TTC21A: variants seen among roughly 807,000 people sequenced by gnomAD.
TTC21A encodes the protein tetratricopeptide repeat protein 21A.
A neutral mutation model predicts 156.4 loss-of-function variants in TTC21A; 128 were observed. That is an observed-to-expected ratio of 0.82 (90% confidence interval 0.71 to 0.95). The LOEUF (loss-of-function observed/expected upper bound fraction) is 0.95. Ranked by LOEUF, TTC21A falls within the 40% of genes least tolerant of loss-of-function variation. The probability of loss-of-function intolerance (pLI) is 0.00; values close to 1 mark genes in which losing one functional copy is unlikely to be tolerated. For missense variants in TTC21A, 1,435 were observed against 1,602.3 expected, an observed-to-expected ratio of 0.90 and a Z score of 1.78; for synonymous variants, 587 against 617.1, an observed-to-expected ratio of 0.95 and a Z score of 0.72.
At chr3:39,125,967 TA>T (rs1283459249) in intron 11 of TTC21A, among the ~76,000 whole-genome samples, 1 of 152,158 alleles carries the variant, frequency 6.6e-6, no homozygotes, top group African/African-American at 2.4e-5. Flanking sequence ...CCAAGGATCA[TA>T]TTTTTATACA....
chr3:39,116,280 T>G (rs1263600839), intron 6 of TTC21A, among the ~76,000 whole-genome samples: 1 of 152,250 alleles, frequency 6.6e-6, no homozygotes, highest in African/African-American at 2.4e-5. Context: ...AAAGATGTGT[T>G]TCTGTTTTCA....
rs184064919 is a variant in TTC21A at position 39,118,018 on chromosome 3, A to G, written c.717-51A>G. 1.4e-5 allele frequency: 19 copies of G among 1,355,614 alleles called. No individual in the cohort carries two copies. The Admixed American group carries it at 3.2e-4, about 23-fold the overall frequency. 84.0% of individuals were successfully genotyped at this position (1,355,614 alleles called of 1,614,324 possible). A position where few individuals can be genotyped will look rare whatever the true frequency, so the allele number is the denominator to read the frequency against. On this transcript the variant is annotated intron_variant, in intron 6 of 28. Coordinates refer to ENST00000683103, the MANE Select transcript of TTC21A (RefSeq NM_001366900.1). ...TCAGAAGTCGCCAACACACCATCCCAGCTTTGCCTATCAATACTCTCAATT... is the reference window on the plus strand; with the variant it reads ...TCAGAAGTCGCCAACACACCATCCCGGCTTTGCCTATCAATACTCTCAATT...
chr3:39,115,742 GTCA>G (rs139526896), intron 6 of TTC21A, among the ~76,000 whole-genome samples: 2,098 of 152,220 alleles, frequency 0.014, 51 homozygotes, highest in African/African-American at 0.048. Flanking sequence ...TCTAAAATGT[GTCA>G]TCTTCACTTT....
In TTC21A at chr3:39,131,303, C is replaced by G. The variant is rs1513255; in HGVS notation, c.2562+208C>G. On this transcript the variant is annotated intron_variant, in intron 19 of 28. Coordinates refer to ENST00000683103, the MANE Select transcript of TTC21A (RefSeq NM_001366900.1). ...CTAATGTGCTCTGAGCTGTGGTGGG[C>G]TGGGAAAGGCAGGAAGTAAGAGAGT... is the stretch of plus-strand genomic sequence containing the variant. Among the ~76,000 whole-genome samples the G allele has an allele frequency of 0.035, 5,278 of 152,256 alleles. 183 individuals are homozygous for G. Among genetic ancestry groups the G allele is most frequent in the East Asian group, 0.16 (807 of 5,176 alleles).
chr3:39,120,059 C>T, intron 8 of TTC21A, 39 bp downstream of exon 8: 1 of 1,420,028 alleles, frequency 7.0e-7, no homozygotes, highest in Non-Finnish European at 9.9e-7. Context: ...TGGTGCTTCT[C>T]CCTGCTTTCC....
At chr3:39,125,592 C>T (rs938040420) in intron 11 of TTC21A, 60 bp downstream of exon 11, 17 of 1,260,682 alleles carry the variant, frequency 1.3e-5, no homozygotes, top group Non-Finnish European at 1.9e-5. Flanking sequence ...ATGGTGCCCA[C>T]CTGAAGGACA....
chr3:39,123,244 A>G (rs2037922914), intron 9 of TTC21A, among the ~76,000 whole-genome samples: 1 of 152,242 alleles, frequency 6.6e-6, no homozygotes, highest in Non-Finnish European at 1.5e-5. Context: ...AGTGGGATGG[A>G]TATAACTGAA....
rs761692117 is a variant in TTC21A at position 39,134,341 on chromosome 3, C to T, written c.2862+13C>T. 13 of 1,568,972 alleles carry T rather than the reference C, an allele frequency of 8.3e-6. No homozygotes were observed. In the East Asian group the frequency reaches 2.9e-4, roughly 35 times the overall value. On this transcript the variant is annotated intron_variant, in intron 21 of 28. Coordinates refer to ENST00000683103, the MANE Select transcript of TTC21A (RefSeq NM_001366900.1). This position sits in a 1 kb window ranked among gnomAD's most constrained non-coding sequence, Gnocchi z 4.6. Reference sequence around the variant, plus strand: ...GACCGCTTCTGTGGTAGGAAGCCCCCAGCACCCACTCCCTCCCCTCCCTTC... The same window carrying T: ...GACCGCTTCTGTGGTAGGAAGCCCCTAGCACCCACTCCCTCCCCTCCCTTC...
rs577031087 is a variant in TTC21A at position 39,126,230 on chromosome 3, T to G, written c.1393-31T>G. 258 of 1,613,552 alleles carry G rather than the reference T, an allele frequency of 1.6e-4. 4 individuals are homozygous for G. The South Asian group carries it at 2.5e-3, about 15-fold the overall frequency. Reference sequence around the variant, plus strand: ...AGTCTCTCTTAGAATAGGGCAAACCTACTCCCACCTCCACCGCCGTGTTCC... The same window carrying G: ...AGTCTCTCTTAGAATAGGGCAAACCGACTCCCACCTCCACCGCCGTGTTCC... On this transcript the variant is annotated intron_variant, in intron 11 of 28. Coordinates refer to ENST00000683103, the MANE Select transcript of TTC21A (RefSeq NM_001366900.1).
chr3:39,115,109 G>A (rs1195923818), intron 6 of TTC21A, among the ~76,000 whole-genome samples: 1 of 152,104 alleles, frequency 6.6e-6, no homozygotes, highest in African/African-American at 2.4e-5. Context: ...GCATTATTAA[G>A]GTTTTTTTAA....
At chr3:39,131,543 G>A (rs2038729274) in intron 19 of TTC21A, 1 of 157,608 alleles carries the variant, frequency 6.3e-6, no homozygotes, top group African/African-American at 2.4e-5. Flanking sequence ...AGTTGTGTTA[G>A]TCTGTATTCT....
intron 6 of TTC21A, among the ~76,000 whole-genome samples, chr3:39,116,403 T>G (rs966153474): frequency 6.6e-6 from 1 of 152,178 alleles, no homozygotes; most frequent in African/African-American, 2.4e-5. Context: ...TTCTATTATA[T>G]TCTAATAAAA....
Position 39,134,997 on chromosome 3 carries a change from T to G in TTC21A, c.2863-96T>G, listed in dbSNP as rs2039001416. Reference sequence around the variant, plus strand: ...CTTGCAAGTCCTTTTCTACCTTCCCTTCTTACCACCATCACCCCCATACCC... The same window carrying G: ...CTTGCAAGTCCTTTTCTACCTTCCCGTCTTACCACCATCACCCCCATACCC... On this transcript the variant is annotated intron_variant, in intron 21 of 28. Transcript: ENST00000683103. The surrounding 1 kb of genome is among the most constrained non-coding windows in gnomAD (Gnocchi z 4.6). 9.2e-7 allele frequency: 1 copy of G among 1,087,354 alleles called. No homozygotes were observed. The highest frequency in any genetic ancestry group is 1.4e-6 in the Non-Finnish European group (1 of 704,142). 67.4% of individuals were successfully genotyped at this position (1,087,354 alleles called of 1,614,324 possible). A position where few individuals can be genotyped will look rare whatever the true frequency, so the allele number is the denominator to read the frequency against.
At position 39,134,623 on chromosome 3, in the gene TTC21A, G is replaced by T; in HGVS notation, c.2862+295G>T. ...GTAGGTGAAGGCAAGGGCGGGACAGGTTCCTGGGGCTTCAGGAAAAGCCCT... is the reference window on the plus strand; with the variant it reads ...GTAGGTGAAGGCAAGGGCGGGACAGTTTCCTGGGGCTTCAGGAAAAGCCCT... On this transcript the variant is annotated intron_variant, in intron 21 of 28. Transcript: ENST00000683103. This position sits in a 1 kb window ranked among gnomAD's most constrained non-coding sequence, Gnocchi z 4.6. 1.9e-6 allele frequency: 1 copy of T among 517,296 alleles called. No individual in the cohort carries two copies. Among genetic ancestry groups the T allele is most frequent in the Non-Finnish European group, 3.5e-6 (1 of 283,164 alleles). The allele number at this position is 517,296 out of a possible 1,614,324, so 32.0% of individuals were successfully genotyped here. A position where few individuals can be genotyped will look rare whatever the true frequency, so the allele number is the denominator to read the frequency against.
At position 39,129,170 on chromosome 3, in the gene TTC21A, C is replaced by A; in HGVS notation, c.1995C>A (p.Ser665Arg). The part of the protein sequence containing the change: ...ITIANVDLVL[S>R]KGNVDVALNM... ...TTGCCAACGTGGACTTGGTCCTGAG[C>A]AAGGGCAATGTGGACGTGGCGCTGA... The change falls in exon 15 of 29, where the codon AGC becomes AGA. Residue 665 changes from serine to arginine, a missense_variant. Physicochemically the swap from Ser to Arg is moderately radical, Grantham distance 110 (BLOSUM62 -1). Coordinates refer to ENST00000683103, the MANE Select transcript of TTC21A (RefSeq NM_001366900.1). 1 of 1,614,242 alleles carries A rather than the reference C, an allele frequency of 6.2e-7. No individual in the cohort carries two copies. The highest frequency in any genetic ancestry group is 8.5e-7 in the Non-Finnish European group (1 of 1,180,040).
At position 39,130,638 on chromosome 3, in the gene TTC21A, C is replaced by T. The variant is rs2038653414; in HGVS notation, c.2320-63C>T. 1 of 1,591,738 alleles carries T rather than the reference C, an allele frequency of 6.3e-7. No homozygotes were observed. Among genetic ancestry groups the T allele is most frequent in the Non-Finnish European group, 8.6e-7 (1 of 1,165,212 alleles). On this transcript the variant is annotated intron_variant, in intron 17 of 28. Transcript: ENST00000683103. This position sits in a 1 kb window ranked among gnomAD's most constrained non-coding sequence, Gnocchi z 4.5. ...CTGGTGTGATGGCTGCTGAGGGGAACATGGTGTCGGGCACTGAAGGGCAGA... is the reference window on the plus strand; with the variant it reads ...CTGGTGTGATGGCTGCTGAGGGGAATATGGTGTCGGGCACTGAAGGGCAGA...
At chr3:39,131,117 G>A (rs761125718) in intron 19 of TTC21A, 22 bp downstream of exon 19, 2 of 1,583,668 alleles carry the variant, frequency 1.3e-6, no homozygotes, top group African/African-American at 1.3e-5. Context: ...GTGGACTCAA[G>A]CTCTTTATCT....
Position 39,131,011 on chromosome 3 carries a change from G to C in TTC21A, c.2478G>C (p.Met826Ile). ...EHDIVQDIPS[M>I]MNDVKCLLLL... ...TAACAGTCCAAGACATCCCATCCAT[G>C]ATGAATGATGTTAAGTGCCTGCTTT... The change falls in exon 19 of 29, where the codon ATG becomes ATC. Residue 826 changes from methionine (M) to isoleucine (I), a missense_variant. Transcript: ENST00000683103. 2 of 1,613,882 alleles carry C rather than the reference G, an allele frequency of 1.2e-6. No homozygotes were observed. Among genetic ancestry groups the C allele is most frequent in the Non-Finnish European group, 1.7e-6 (2 of 1,179,990 alleles).
chr3:39,134,401 C>A lies in TTC21A; in HGVS notation c.2862+73C>A. ...CAGGGTCCCTGTGACCAGATGCAGG[C>A]TACTTCCTAGCCCCGTAACCTCAGA... is the stretch of plus-strand genomic sequence containing the variant. On this transcript the variant is annotated intron_variant, in intron 21 of 28. Transcript: ENST00000683103. The surrounding 1 kb of genome is among the most constrained non-coding windows in gnomAD (Gnocchi z 4.6). 1.9e-6 allele frequency: 2 copies of A among 1,075,792 alleles called. No individual in the cohort carries two copies. The highest frequency in any genetic ancestry group is 2.9e-6 in the Non-Finnish European group (2 of 689,050). The allele number at this position is 1,075,792 out of a possible 1,614,324, so 66.6% of individuals were successfully genotyped here.
Sources: gnomAD v4.1 joint callset for allele counts (sites outside exome capture counted in the v4.1 genomes callset) on GRCh38, gnomAD v4.1.1 for gene constraint, Gnocchi (gnomAD v3.1) non-coding constraint, MANE v1.5 for transcripts, NCBI Gene and HGNC (gene_info 2026-07-23, HGNC 2026-07-21) for gene names.